The following NFIB variants were observed in gnomAD, a reference collection of about 807,000 sequenced individuals.
The protein encoded by NFIB is nuclear factor I B, also known as nuclear factor 1 B-type.
A neutral mutation model predicts 61.5 loss-of-function variants in NFIB; 11 were observed. The ratio of observed to expected loss-of-function variants is 0.18; its 90% confidence interval spans 0.11 to 0.30. The LOEUF (loss-of-function observed/expected upper bound fraction) is 0.30. Ranked by LOEUF, NFIB falls within the 10% of genes least tolerant of loss-of-function variation. NFIB has a pLI of 1.00. For missense variants in NFIB, 471 were observed against 608.9 expected (o/e 0.77, Z 2.38); for synonymous variants, 260 against 216.5 (o/e 1.20, Z -1.76).
the NFIB span, among the ~76,000 whole-genome samples, chr9:14,491,282 G>A: frequency 6.6e-6 from 1 of 152,040 alleles, no homozygotes; most frequent in South Asian, 2.1e-4. Context: ...GTGCACATAG[G>A]CTTTTGACAT....
intron 2 of NFIB, among the ~76,000 whole-genome samples, chr9:14,285,805 A>G (rs773171903): frequency 6.6e-6 from 1 of 152,122 alleles, no homozygotes; most frequent in Non-Finnish European, 1.5e-5. Context: ...AGAAAATCCT[A>G]CCCACCTTAA....
upstream of NFIB, among the ~76,000 whole-genome samples, chr9:14,316,655 AAC>A (rs2060548530): frequency 6.6e-6 from 1 of 152,196 alleles, no homozygotes. Flanking sequence ...AATTTTAGGC[AAC>A]CTCATCTTAG....
At chr9:14,483,939 T>A in the NFIB span, among the ~76,000 whole-genome samples, 40 of 152,232 alleles carry the variant, frequency 2.6e-4, no homozygotes, top group Non-Finnish European at 2.9e-5. Flanking sequence ...CTACAACTGA[T>A]GAACTTAAGG....
intron 1 of NFIB, chr9:14,361,780 TA>T (rs2061244209): frequency 6.6e-6 from 1 of 152,140 alleles, no homozygotes; most frequent in Admixed American, 6.5e-5. Flanking sequence ...TAGCCTAAAA[TA>T]AAACTTGGGA....
the NFIB span, among the ~76,000 whole-genome samples, chr9:14,447,246 C>T: frequency 2.6e-5 from 4 of 152,154 alleles, no homozygotes; most frequent in Non-Finnish European, 5.9e-5. Context: ...GACCTGAAGT[C>T]CTTATGAATC....
At chr9:14,517,027 A>T in the NFIB span, among the ~76,000 whole-genome samples, 3 of 152,214 alleles carry the variant, frequency 2.0e-5, no homozygotes, top group East Asian at 5.8e-4. Flanking sequence ...GGCATTAGGG[A>T]TTACAGACAA....
chr9:14,341,418 G>C (rs990390650), intron 1 of NFIB, among the ~76,000 whole-genome samples: 18 of 152,202 alleles, frequency 1.2e-4, no homozygotes, highest in African/African-American at 3.9e-4. Context: ...GAGGGAGAAA[G>C]ATGAAACAGG....
At chr9:14,179,085 T>C (rs1170239405) in intron 3 of NFIB, among the ~76,000 whole-genome samples, 2 of 152,084 alleles carry the variant, frequency 1.3e-5, no homozygotes, top group South Asian at 2.1e-4. Context: ...ACACTGTTCC[T>C]AAATCAAAAG....
chr9:14,173,869 G>C (rs12335815), intron 3 of NFIB, among the ~76,000 whole-genome samples: 8,538 of 152,120 alleles, frequency 0.056, 717 homozygotes, highest in African/African-American at 0.18. Context: ...TTCACATTAA[G>C]TATTACAAAT....
chr9:14,400,545 CAAGTT>C (rs1393356718), upstream of NFIB, among the ~76,000 whole-genome samples: 3 of 152,112 alleles, frequency 2.0e-5, no homozygotes, highest in East Asian at 5.8e-4. Context: ...AGCTGTAACT[CAAGTT>C]AAGCCACCAG....
At chr9:14,375,356 C>A (rs527392570) in intron 1 of NFIB, among the ~76,000 whole-genome samples, 35 of 152,242 alleles carry the variant, frequency 2.3e-4, no homozygotes, top group African/African-American at 8.4e-4. Flanking sequence ...AGGAGCTTCT[C>A]CAGAAGTACC....
At position 14,112,289 on chromosome 9, in the gene NFIB, T is replaced by C. The variant is rs560803386; in HGVS notation, c.1467+710A>G. 3.9e-5 allele frequency among the ~76,000 whole-genome samples: 6 copies of C among 152,330 alleles called. No individual in the cohort carries two copies. In the East Asian group the frequency reaches 1.2e-3, roughly 29 times the overall value. On this transcript the variant is annotated intron_variant, in intron 10 of 10. Transcript: ENST00000380953. The stretch of plus-strand genomic sequence containing the variant: ...TAGAATCGTGGGATTTCTACATTGG[T>C]ATGGTCCATGCTTTTGACTGTGGCT...
chr9:14,284,866 C>A (rs573707032), intron 2 of NFIB, among the ~76,000 whole-genome samples: 8 of 152,240 alleles, frequency 5.3e-5, no homozygotes, highest in African/African-American at 1.9e-4. Context: ...CAGTTGGATT[C>A]CTAAGTATGG....
intron 2 of NFIB, among the ~76,000 whole-genome samples, chr9:14,203,490 C>A (rs992139020): frequency 6.6e-6 from 1 of 152,202 alleles, no homozygotes; most frequent in Non-Finnish European, 1.5e-5. Flanking sequence ...TAAGATATTT[C>A]TGGACTGTGT....
At chr9:14,185,086 A>G (rs2047198446) in intron 2 of NFIB, among the ~76,000 whole-genome samples, 1 of 19,786 alleles carries the variant, frequency 5.1e-5, no homozygotes, top group Non-Finnish European at 2.6e-3. Flanking sequence ...TATTGTTTTA[A>G]AAAAAGTATA....
At chr9:14,170,998 C>T (rs2045506861) in intron 3 of NFIB, among the ~76,000 whole-genome samples, 3 of 152,024 alleles carry the variant, frequency 2.0e-5, no homozygotes, top group South Asian at 2.1e-4. Flanking sequence ...CTTAAAATAC[C>T]GTTGTAAAGT....
the NFIB span, among the ~76,000 whole-genome samples, chr9:14,415,215 G>C: frequency 5.1e-4 from 78 of 152,260 alleles, 2 homozygotes; most frequent in African/African-American, 1.8e-3. Context: ...ATTGATTAGA[G>C]ACTGCCCTCA....
intron 2 of NFIB, among the ~76,000 whole-genome samples, chr9:14,231,418 G>C (rs568226741): frequency 8.6e-5 from 13 of 151,952 alleles, no homozygotes; most frequent in African/African-American, 2.9e-4. Context: ...GTGACAGAGG[G>C]AAAACGAGGC....
intron 2 of NFIB, among the ~76,000 whole-genome samples, chr9:14,231,441 G>A (rs1288022356): frequency 1.3e-5 from 2 of 151,902 alleles, no homozygotes; most frequent in East Asian, 3.9e-4. Flanking sequence ...GCACCAAGCA[G>A]GAAGCCCAAT....
Sources: gnomAD v4.1 joint callset for allele counts (sites outside exome capture counted in the v4.1 genomes callset) on GRCh38, gnomAD v4.1.1 for gene constraint, MANE v1.5 for transcripts, NCBI Gene and HGNC (gene_info 2026-07-23, HGNC 2026-07-21) for gene names.